KAT14: variants seen among roughly 807,000 people sequenced by gnomAD.
KAT14 encodes the protein lysine acetyltransferase 14.
KAT14 carries 66 observed loss-of-function variants against 78.4 expected under a neutral mutation model. The observed-to-expected ratio is 0.84, with a 90% confidence interval of 0.69 to 1.03. KAT14 has a LOEUF of 1.03. Among genes scored for constraint, KAT14 ranks in the 50% least tolerant of loss-of-function variants. The probability of loss-of-function intolerance (pLI) is 0.00; values close to 1 mark genes in which losing one functional copy is unlikely to be tolerated. For missense variants in KAT14, 870 were observed against 972.5 expected (o/e 0.89, Z 1.40); for synonymous variants, 344 against 359.4 (o/e 0.96, Z 0.48).
At chr20:18,170,178 A>C (rs2038796050) in intron 7 of KAT14, among the ~76,000 whole-genome samples, 1 of 152,234 alleles carries the variant, frequency 6.6e-6, no homozygotes, top group Non-Finnish European at 1.5e-5. Context: ...GACCTAGCTA[A>C]GATCATTGAT....
intron 7 of KAT14, 78 bp from the exon 8 acceptor site, chr20:18,181,632 G>C (rs1205973573): frequency 6.3e-7 from 1 of 1,587,456 alleles, no homozygotes; most frequent in East Asian, 2.2e-5. Context: ...GCTTCCCAAA[G>C]TGTTGGGATT....
chr20:18,180,604 A>T (rs1202629978), intron 7 of KAT14, among the ~76,000 whole-genome samples: 1 of 152,184 alleles, frequency 6.6e-6, no homozygotes, highest in Non-Finnish European at 1.5e-5. Flanking sequence ...ATAAAGACAT[A>T]CCCAAGACTG....
Position 18,137,905 on chromosome 20 carries a change from C to T in KAT14, c.-600C>T, listed in dbSNP as rs2037351386. On this transcript the variant is annotated 5_prime_UTR_variant, in exon 1 of 11. Coordinates refer to ENST00000688188, the MANE Select transcript of KAT14 (RefSeq NM_001392073.1). ...GCGGCGGTGCGCACTCTGCGGCGGC[C>T]TCTGCGCCTCGGGCGGGCGGGAGAG... 3.4e-6 allele frequency: 5 copies of T among 1,451,384 alleles called. No individual in the cohort carries two copies. The highest frequency in any genetic ancestry group is 4.5e-6 in the Non-Finnish European group (5 of 1,108,374). 89.9% of individuals were successfully genotyped at this position (1,451,384 alleles called of 1,614,324 possible).
intron 7 of KAT14, among the ~76,000 whole-genome samples, chr20:18,164,526 A>G (rs780942712): frequency 6.6e-6 from 1 of 151,382 alleles, no homozygotes; most frequent in Non-Finnish European, 1.5e-5. Context: ...TAGCTTCACC[A>G]CTGGCTTAGG....
chr20:18,156,540 G>GT (rs1451457036), intron 4 of KAT14, among the ~76,000 whole-genome samples: 1 of 152,096 alleles, frequency 6.6e-6, no homozygotes, highest in African/African-American at 2.4e-5. Flanking sequence ...GGCTATATTA[G>GT]TTTGCTAATG....
upstream of KAT14, among the ~76,000 whole-genome samples, chr20:18,137,470 C>A (rs572566441): frequency 7.2e-5 from 11 of 152,300 alleles, no homozygotes; most frequent in South Asian, 2.3e-3. Context: ...GGCGCCTGCC[C>A]CGCCAAAGGA....
intron 7 of KAT14, among the ~76,000 whole-genome samples, chr20:18,180,278 G>C (rs1205212): frequency 0.99 from 150,181 of 152,320 alleles, 74,043 homozygotes; most frequent in East Asian, 1. Context: ...CAAAATGCCA[G>C]CAGTCTCTTT....
At chr20:18,184,968 A>G (rs1408955618) in intron 10 of KAT14, among the ~76,000 whole-genome samples, 176 bp downstream of exon 10, 1 of 152,162 alleles carries the variant, frequency 6.6e-6, no homozygotes, top group Non-Finnish European at 1.5e-5. Context: ...CACACAGTCA[A>G]AAATCTTCGA....
At chr20:18,140,100 A>G (rs922758085) in intron 1 of KAT14, among the ~76,000 whole-genome samples, 1 of 152,152 alleles carries the variant, frequency 6.6e-6, no homozygotes, top group Non-Finnish European at 1.5e-5. Context: ...GATCATAAGC[A>G]CACGTGACAT....
chr20:18,142,353 C>A lies in KAT14; in HGVS notation c.-308C>A. 1 of 1,535,942 alleles carries A rather than the reference C, an allele frequency of 6.5e-7. No individual in the cohort carries two copies. The highest frequency in any genetic ancestry group is 1.2e-5 in the South Asian group (1 of 83,916). ...TTATTGGCAAAAGGATCTCAAAAAT[C>A]ATGACTTGAATGTGAAATATCTGTT... is the stretch of plus-strand genomic sequence containing the variant. On this transcript the variant is annotated 5_prime_UTR_variant, in exon 2 of 11. An upstream open reading frame in the 5' UTR gains an earlier in-frame stop. Transcript: ENST00000688188.
At chr20:18,152,949 A>C (rs1739059419) in intron 4 of KAT14, among the ~76,000 whole-genome samples, 1 of 152,122 alleles carries the variant, frequency 6.6e-6, no homozygotes, top group African/African-American at 2.4e-5. Flanking sequence ...GTCCACGTGG[A>C]TCTATCAAGA....
In KAT14 at chr20:18,181,775, A is replaced by G. The variant is rs1437909262; in HGVS notation, c.1734A>G (p.Gly578=). Residue 578 remains glycine, a synonymous_variant, in exon 8 of 11, where the codon GGA becomes GGG. Transcript: ENST00000688188. ...QTTKFLYRLV[G]SEDMAVDQSI... ...CCAAGTTTTTGTATCGCTTGGTAGGATCAGAAGATATGGCTGTGGACCAGA... is the reference window on the plus strand; with the variant it reads ...CCAAGTTTTTGTATCGCTTGGTAGGGTCAGAAGATATGGCTGTGGACCAGA... The G allele has an allele frequency of 2.5e-5, 40 of 1,614,062 alleles. No individual in the cohort carries two copies. The highest frequency in any genetic ancestry group is 3.3e-5 in the Non-Finnish European group (39 of 1,180,042).
Position 18,142,327 on chromosome 20 carries a change from G to A in KAT14, c.-334G>A, listed in dbSNP as rs2037619106. The A allele has an allele frequency of 6.5e-7, 1 of 1,536,646 alleles. No homozygotes were observed. Among genetic ancestry groups the A allele is most frequent in the Admixed American group, 2.0e-5 (1 of 50,912 alleles). On this transcript the variant is annotated 5_prime_UTR_variant, in exon 2 of 11. An upstream start codon of the reference 5' UTR is lost. Transcript: ENST00000688188. ...AACTTGAAGCAGAAAGAGAGAAGAT[G>A]TTATTGGCAAAAGGATCTCAAAAAT...
intron 2 of KAT14, 28 bp downstream of exon 2, chr20:18,142,947 T>C: frequency 6.2e-7 from 1 of 1,604,958 alleles, no homozygotes; most frequent in Non-Finnish European, 8.5e-7. Context: ...TCCTTTGATT[T>C]GTCAATTCCT....
chr20:18,153,863 T>C (rs2038134827), intron 4 of KAT14, among the ~76,000 whole-genome samples: 1 of 152,224 alleles, frequency 6.6e-6, no homozygotes, highest in East Asian at 1.9e-4. Context: ...ATAAGTAGAA[T>C]GTAACAATAA....
At position 18,162,752 on chromosome 20, in the gene KAT14, G is replaced by A. The variant is rs1487498733; in HGVS notation, c.1475G>A (p.Arg492His). ...AMTPEARRLK[R>H]KLIVRQAKRD... ...ACTCCGGAAGCTCGGAGACTGAAAC[G>A]CAAACTGATTGTCAGACAAGCGAAA... Residue 492 changes from arginine to histidine, a missense_variant, in exon 7 of 11, where the codon CGC becomes CAC. Arg to His is a conservative substitution (Grantham distance 29). Coordinates refer to ENST00000688188, the MANE Select transcript of KAT14 (RefSeq NM_001392073.1). 16 of 1,614,108 alleles carry A rather than the reference G, an allele frequency of 9.9e-6. No homozygotes were observed. The highest frequency in any genetic ancestry group is 2.2e-5 in the East Asian group (1 of 44,900).
In KAT14 at chr20:18,142,797, C is replaced by G. The variant is rs1438950475; in HGVS notation, c.137C>G (p.Ala46Gly). 1 of 1,614,158 alleles carries G rather than the reference C, an allele frequency of 6.2e-7. No homozygotes were observed. Among genetic ancestry groups the G allele is most frequent in the South Asian group, 1.1e-5 (1 of 91,078 alleles). ...TLLIVESEDQ[A>G]SVDLSHDQSG... ...CTGATCGTCGAATCCGAGGATCAGGCATCAGTGGACTTATCGCACGACCAG... is the reference window on the plus strand; with the variant it reads ...CTGATCGTCGAATCCGAGGATCAGGGATCAGTGGACTTATCGCACGACCAG... Residue 46 changes from alanine (A) to glycine (G), a missense_variant, in exon 2 of 11, where the codon GCA (alanine) becomes GGA (glycine). Coordinates refer to ENST00000688188, the MANE Select transcript of KAT14 (RefSeq NM_001392073.1).
At chr20:18,164,611 CTTGTTCT>C (rs558677546) in intron 7 of KAT14, among the ~76,000 whole-genome samples, 14,824 of 42,244 alleles carry the variant, frequency 0.35, 1,150 homozygotes, top group African/African-American at 0.45. Flanking sequence ...TTCACTTGTT[CTTGTTCT>C]TTTTTTTTTT....
At chr20:18,169,264 G>T (rs1299350979) in intron 7 of KAT14, among the ~76,000 whole-genome samples, 1 of 152,010 alleles carries the variant, frequency 6.6e-6, no homozygotes, top group African/African-American at 2.4e-5. Flanking sequence ...GGCATATCTT[G>T]TTTTATTCAC....
Sources: gnomAD v4.1 joint callset for allele counts (sites outside exome capture counted in the v4.1 genomes callset) on GRCh38, gnomAD v4.1.1 for gene constraint, MANE v1.5 for transcripts, NCBI Gene and HGNC (gene_info 2026-07-23, HGNC 2026-07-21) for gene names.